The following GRID2 variants were observed in gnomAD, a reference collection of about 807,000 sequenced individuals.
GRID2 encodes the protein glutamate receptor ionotropic, delta-2.
GRID2 carries 33 observed loss-of-function variants against 114.8 expected under a neutral mutation model. The observed-to-expected ratio is 0.29, with a 90% CI of 0.22 to 0.38. GRID2 has a LOEUF of 0.38. GRID2 is among the 10% of genes least tolerant of loss of function. GRID2 has a pLI of 1.00. For synonymous variants in GRID2, 505 were observed against 449.9 expected (o/e 1.12, Z -1.55); for missense variants, 1,184 against 1,257.7 (o/e 0.94, Z 0.89).
chr4:92,796,617 G>A (rs913755882), intron 2 of GRID2, among the ~76,000 whole-genome samples: 1 of 151,730 alleles, frequency 6.6e-6, no homozygotes, highest in Admixed American at 6.6e-5. Flanking sequence ...TCAGAGTAGG[G>A]CACTTTTGTC....
At chr4:92,593,524 C>T (rs559923746) in intron 2 of GRID2, among the ~76,000 whole-genome samples, 4 of 151,896 alleles carry the variant, frequency 2.6e-5, no homozygotes, top group Admixed American at 1.3e-4. Flanking sequence ...AGCAATTAAT[C>T]CTTTAGAAAA....
At chr4:92,787,781 G>T (rs1311238081) in intron 2 of GRID2, among the ~76,000 whole-genome samples, 1 of 151,820 alleles carries the variant, frequency 6.6e-6, no homozygotes. Flanking sequence ...ATTGAGAGGT[G>T]TTACCATTAT....
At chr4:93,005,046 G>A (rs1721369526) in intron 2 of GRID2, among the ~76,000 whole-genome samples, 1 of 151,896 alleles carries the variant, frequency 6.6e-6, no homozygotes, top group Non-Finnish European at 1.5e-5. Flanking sequence ...GATTCCATCT[G>A]TTCCAGTGAT....
intron 2 of GRID2, among the ~76,000 whole-genome samples, chr4:92,626,027 T>A (rs551763007): frequency 6.6e-6 from 1 of 152,076 alleles, no homozygotes; most frequent in East Asian, 1.9e-4. Context: ...TATCCTAATT[T>A]TCACTTGCTA....
At position 93,713,000 on chromosome 4, in the gene GRID2, C is replaced by T. The variant is rs940833558; in HGVS notation, c.2361-56210C>T. ...ACCTCCCACCTGGCCAATTTATCTA[C>T]AATTACATAGAACTGTATATGAGCC... is the stretch of plus-strand genomic sequence containing the variant. On this transcript the variant is annotated intron_variant, in intron 14 of 15. Coordinates refer to ENST00000282020, the MANE Select transcript of GRID2 (RefSeq NM_001510.4). Among the ~76,000 whole-genome samples the T allele has an allele frequency of 3.3e-4, 50 of 152,028 alleles. 1 individual carries two copies. The highest frequency in any genetic ancestry group is 1.8e-4 in the Non-Finnish European group (12 of 67,986).
chr4:92,879,755 A>T (rs1323447920), intron 2 of GRID2, among the ~76,000 whole-genome samples: 2 of 152,256 alleles, frequency 1.3e-5, no homozygotes, highest in Non-Finnish European at 1.5e-5. Flanking sequence ...GTTTCAACAC[A>T]ATGTGCAGGA....
intron 8 of GRID2, among the ~76,000 whole-genome samples, chr4:93,242,376 A>T (rs565999745): frequency 2.0e-5 from 3 of 152,070 alleles, no homozygotes; most frequent in Admixed American, 6.6e-5. Flanking sequence ...TAATCTACAC[A>T]GTTGTGGATG....
intron 3 of GRID2, among the ~76,000 whole-genome samples, chr4:93,096,691 A>G (rs1195481493): frequency 1.3e-5 from 2 of 152,002 alleles, no homozygotes; most frequent in African/African-American, 4.8e-5. Flanking sequence ...AAGACTGACA[A>G]TCCAATTGCA....
At chr4:93,079,685 G>A (rs900506327) in intron 2 of GRID2, among the ~76,000 whole-genome samples, 4 of 151,864 alleles carry the variant, frequency 2.6e-5, no homozygotes, top group East Asian at 1.9e-4. Context: ...TTCTGCACAC[G>A]GTTGTTATGA....
chr4:92,475,214 G>A lies in GRID2; in HGVS notation c.89-114917G>A, dbSNP rs1225785900. Among the ~76,000 whole-genome samples the A allele has an allele frequency of 4.6e-5, 7 of 151,186 alleles. No homozygotes were observed. The East Asian group carries it at 1.4e-3, about 30-fold the overall frequency. ...TTTTAAAAAAAAAATTGTTGCCTGT[G>A]TTTTTGGAGTCATGTCCAAAATATC... On this transcript the variant is annotated intron_variant, in intron 1 of 15. Coordinates refer to ENST00000282020, the MANE Select transcript of GRID2 (RefSeq NM_001510.4).
At chr4:93,347,574 C>T (rs1333823678) in intron 8 of GRID2, among the ~76,000 whole-genome samples, 1 of 152,052 alleles carries the variant, frequency 6.6e-6, no homozygotes, top group African/African-American at 2.4e-5. Context: ...TGACGTTACA[C>T]TTAAACACTA....
intron 2 of GRID2, among the ~76,000 whole-genome samples, chr4:92,623,381 A>G (rs1449818302): frequency 6.6e-6 from 1 of 151,592 alleles, no homozygotes; most frequent in Non-Finnish European, 1.5e-5. Context: ...AAAAAGATTA[A>G]TACCATCAAA....
Position 93,093,517 on chromosome 4 carries a change from G to A in GRID2, c.529+8238G>A, listed in dbSNP as rs192845799. On this transcript the variant is annotated intron_variant, in intron 3 of 15. Transcript: ENST00000282020. ...GAAAATCTCCTTGAATATTTGTGAAGTAGGAAATTAGAAGCATATAACACA... is the reference window on the plus strand; with the variant it reads ...GAAAATCTCCTTGAATATTTGTGAAATAGGAAATTAGAAGCATATAACACA... Among the ~76,000 whole-genome samples the A allele has an allele frequency of 3.9e-3, 593 of 152,130 alleles. 4 individuals carry two copies. Among genetic ancestry groups the A allele is most frequent in the African/African-American group, 0.013 (551 of 41,504 alleles).
rs537488284 is a variant in GRID2 at position 92,368,828 on chromosome 4, A to T, written c.88+64084A>T. Among the ~76,000 whole-genome samples the T allele has an allele frequency of 1.3e-3, 193 of 152,130 alleles. 2 individuals carry two copies. The highest frequency in any genetic ancestry group is 2.3e-3 in the Non-Finnish European group (153 of 67,972). On this transcript the variant is annotated intron_variant, in intron 1 of 15. Coordinates refer to ENST00000282020, the MANE Select transcript of GRID2 (RefSeq NM_001510.4). ...AATCAAGAATTCTAATAAAGTCAAG[A>T]CACGTATAATGTGAACAATTCCTAG...
chr4:92,652,927 A>AATATATATTTATAAATAC (rs1732031628), intron 2 of GRID2, among the ~76,000 whole-genome samples: 1 of 142,054 alleles, frequency 7.0e-6, no homozygotes, highest in Non-Finnish European at 1.5e-5. Context: ...AATACATATA[A>AATATATATTTATAAATAC]ATATATATAA....
chr4:92,448,086 G>A (rs1733562798), intron 1 of GRID2, among the ~76,000 whole-genome samples: 2 of 152,076 alleles, frequency 1.3e-5, no homozygotes, highest in Admixed American at 1.3e-4. Context: ...GCAAAGACAT[G>A]CTTGGGTAAA....
intron 14 of GRID2, among the ~76,000 whole-genome samples, chr4:93,729,008 TG>T (rs1359771698): frequency 6.6e-6 from 1 of 152,204 alleles, no homozygotes; most frequent in Non-Finnish European, 1.5e-5. Flanking sequence ...TATCATTATG[TG>T]TGAATTTGAT....
At chr4:93,053,249 C>G (rs1284877150) in intron 2 of GRID2, among the ~76,000 whole-genome samples, 1 of 151,896 alleles carries the variant, frequency 6.6e-6, no homozygotes, top group Admixed American at 6.6e-5. Context: ...ATGTGAGAAA[C>G]ACTAGTGGTC....
In GRID2 at chr4:92,925,959, C is replaced by CA. The variant is rs1749777038; in HGVS notation, c.245-159035dup. Among the ~76,000 whole-genome samples the CA allele has an allele frequency of 2.6e-5, 4 of 151,896 alleles. No homozygotes were observed. In the South Asian group the frequency reaches 8.3e-4, roughly 31 times the overall value. ...CCCATCATTTGTGTGTTTTTGTAGTCACTACTTACTAATGTAAGTAGTCTG... is the reference window on the plus strand; with the variant it reads ...CCCATCATTTGTGTGTTTTTGTAGTCAACTACTTACTAATGTAAGTAGTCTG... On this transcript the variant is annotated intron_variant, in intron 2 of 15. Coordinates refer to ENST00000282020, the MANE Select transcript of GRID2 (RefSeq NM_001510.4).
Sources: allele counts gnomAD v4.1 joint callset (sites outside exome capture counted in the v4.1 genomes callset), GRCh38; gene constraint gnomAD v4.1.1; transcripts MANE v1.5; gene names NCBI Gene and HGNC (gene_info 2026-07-23, HGNC 2026-07-21).